Variants in PALM observed in about 807,000 individuals in gnomAD.
PALM encodes the protein paralemmin, also known as paralemmin-1.
PALM carries 18 observed loss-of-function variants against 30.7 expected under a neutral mutation model. The ratio of observed to expected loss-of-function variants is 0.59; its 90% CI spans 0.41 to 0.87. The LOEUF (loss-of-function observed/expected upper bound fraction) is 0.87. Ranked by LOEUF, PALM falls within the 40% of genes least tolerant of loss-of-function variation. The pLI is 0.00. For synonymous variants in PALM, 286 were observed against 242.8 expected (o/e 1.18, Z -1.66); for missense variants, 529 against 555.4 (o/e 0.95, Z 0.48).
rs982814944 is a variant in PALM at position 727,845 on chromosome 19, C to T, written c.269+151C>T. The stretch of plus-strand genomic sequence containing the variant: ...AGGACCCAACATGCTTTGAGGGGGA[C>T]GCAGGACGGGACAGATCAGGTTGGG... On this transcript the variant is annotated intron_variant, in intron 4 of 8. Coordinates refer to ENST00000338448, the MANE Select transcript of PALM (RefSeq NM_002579.3). The T allele has an allele frequency of 2.2e-5, 16 of 726,964 alleles. No individual in the cohort carries two copies. In the Admixed American group the frequency reaches 3.1e-4, roughly 14 times the overall value. 45.0% of individuals were successfully genotyped at this position (726,964 alleles called of 1,614,324 possible).
At chr19:741,894 C>T (rs981154686) in intron 8 of PALM, among the ~76,000 whole-genome samples, 5 of 152,240 alleles carry the variant, frequency 3.3e-5, no homozygotes, top group East Asian at 1.9e-4. Flanking sequence ...TCGCCCGGCC[C>T]GCAGTGCAGC....
chr19:709,911 T>G lies in PALM; in HGVS notation c.5+760T>G, dbSNP rs910366331. Among the ~76,000 whole-genome samples, 68 of 147,580 alleles carry G rather than the reference T, an allele frequency of 4.6e-4. 1 individual carries two copies. In the East Asian group the frequency reaches 5.0e-3, roughly 11 times the overall value. Reference sequence around the variant, plus strand: ...CCCCGCATGGCTGCGCCTGTGTGTGTGGGGGGGGGGTGGCCAGTGGAGGCA... The same window carrying G: ...CCCCGCATGGCTGCGCCTGTGTGTGGGGGGGGGGGGTGGCCAGTGGAGGCA... On this transcript the variant is annotated intron_variant, in intron 1 of 8. Coordinates refer to ENST00000338448, the MANE Select transcript of PALM (RefSeq NM_002579.3). This position sits in a 1 kb window ranked among gnomAD's most constrained non-coding sequence, Gnocchi z 4.3.
chr19:720,197 C>G (rs1055970966), intron 1 of PALM, among the ~76,000 whole-genome samples: 1 of 151,816 alleles, frequency 6.6e-6, no homozygotes, highest in Non-Finnish European at 1.5e-5. Flanking sequence ...GGAGATGCTG[C>G]GCCGGCCCCA....
chr19:720,796 C>T (rs1020097714), intron 1 of PALM, among the ~76,000 whole-genome samples: 15 of 152,146 alleles, frequency 9.9e-5, no homozygotes, highest in African/African-American at 3.6e-4. Flanking sequence ...TGGGAGGCGG[C>T]CACACAGCCA....
intron 1 of PALM, among the ~76,000 whole-genome samples, chr19:716,242 G>A (rs1426626580): frequency 2.0e-5 from 3 of 152,078 alleles, no homozygotes; most frequent in East Asian, 1.9e-4. Context: ...TGAAACCCCC[G>A]TCTCTACCAA....
intron 2 of PALM, among the ~76,000 whole-genome samples, chr19:726,460 A>G (rs923138847): frequency 6.6e-6 from 1 of 152,136 alleles, no homozygotes; most frequent in Non-Finnish European, 1.5e-5. Flanking sequence ...CTCGTCCTGC[A>G]GGAAAATAAA....
intron 3 of PALM, 72 bp downstream of exon 3, chr19:727,160 C>T: frequency 9.9e-7 from 1 of 1,009,144 alleles, no homozygotes; most frequent in South Asian, 1.4e-5. Context: ...GACTCCTGCC[C>T]AACCCTGACC....
chr19:740,880 C>G (rs1390593464), intron 8 of PALM, among the ~76,000 whole-genome samples: 1 of 151,596 alleles, frequency 6.6e-6, no homozygotes, highest in Non-Finnish European at 1.5e-5. Flanking sequence ...CCTTTAGTCC[C>G]AGCACTTTGG....
At position 747,116 on chromosome 19, in the gene PALM, C is replaced by T. The variant is rs1010731431; in HGVS notation, c.*302C>T. On this transcript the variant is annotated 3_prime_UTR_variant, in exon 9 of 9. Coordinates refer to ENST00000338448, the MANE Select transcript of PALM (RefSeq NM_002579.3). ...TCACGGCAGCTTCACAGACGCGGCT[C>T]GCGCCCACCGGGGTCCTGGCGGGTG... is the stretch of plus-strand genomic sequence containing the variant. 3.4e-5 allele frequency: 11 copies of T among 327,036 alleles called. No homozygotes were observed. In the Admixed American group the frequency reaches 4.3e-4, roughly 13 times the overall value. 20.3% of individuals were successfully genotyped at this position (327,036 alleles called of 1,614,324 possible).
At chr19:716,939 T>C (rs1160449584) in intron 1 of PALM, among the ~76,000 whole-genome samples, 1 of 151,794 alleles carries the variant, frequency 6.6e-6, no homozygotes. Flanking sequence ...GGGTGTACTT[T>C]TTTTTTTTTT....
chr19:746,492 G>C lies in PALM; in HGVS notation c.842G>C (p.Gly281Ala). The C allele has an allele frequency of 6.2e-7, 1 of 1,611,632 alleles. No individual in the cohort carries two copies. Among genetic ancestry groups the C allele is most frequent in the Non-Finnish European group, 8.5e-7 (1 of 1,179,284 alleles). The change falls in exon 9 of 9, where the codon GGC (glycine) becomes GCC (alanine). Residue 281 changes from glycine to alanine, a missense_variant. Gly to Ala is a moderately conservative substitution (Grantham distance 60). Transcript: ENST00000338448. This position sits in a 1 kb window ranked among gnomAD's most constrained non-coding sequence, Gnocchi z 7.1. ...REITGVQAQPGEATSGPPGIQ... is the reference protein window; with the variant it reads ...REITGVQAQPAEATSGPPGIQ... ...ATCACCGGTGTGCAGGCACAGCCAG[G>C]CGAGGCCACGTCCGGCCCGCCGGGG...
chr19:736,529 C>T (rs574565032), intron 7 of PALM, among the ~76,000 whole-genome samples: 10 of 152,300 alleles, frequency 6.6e-5, no homozygotes, highest in East Asian at 1.9e-4. Flanking sequence ...TCCCCAGCAC[C>T]GCTGCGCTTC....
intron 8 of PALM, among the ~76,000 whole-genome samples, chr19:743,493 C>T (rs547596650): frequency 6.6e-6 from 1 of 152,366 alleles, no homozygotes; most frequent in Non-Finnish European, 1.5e-5. Context: ...ACCCCACCCT[C>T]TGGGCCTCCA....
chr19:741,441 G>A (rs1293529043), intron 8 of PALM, among the ~76,000 whole-genome samples: 4 of 149,676 alleles, frequency 2.7e-5, no homozygotes, highest in Admixed American at 1.3e-4. Context: ...CTGCAGGGGT[G>A]AGGGGAGACG....
At position 747,078 on chromosome 19, in the gene PALM, A is replaced by G; in HGVS notation, c.*264A>G. On this transcript the variant is annotated 3_prime_UTR_variant, in exon 9 of 9. Coordinates refer to ENST00000338448, the MANE Select transcript of PALM (RefSeq NM_002579.3). ...GGACAGACCCGCTTTTCCCGAGACA[A>G]GGACCCCCCATGTCACGGCAGCTTC... The G allele has an allele frequency of 2.3e-6, 1 of 436,526 alleles. No homozygotes were observed. The highest frequency in any genetic ancestry group is 4.1e-6 in the Non-Finnish European group (1 of 243,606). The allele number at this position is 436,526 out of a possible 1,614,324, so 27.0% of individuals were successfully genotyped here. A position where few individuals can be genotyped will look rare whatever the true frequency, so the allele number is the denominator to read the frequency against.
In PALM at chr19:746,161, A is replaced by G. The variant is rs1325072453; in HGVS notation, c.635-124A>G. The G allele has an allele frequency of 1.7e-5, 12 of 696,126 alleles. No homozygotes were observed. The highest frequency in any genetic ancestry group is 2.2e-5 in the Non-Finnish European group (9 of 408,646). 43.1% of individuals were successfully genotyped at this position (696,126 alleles called of 1,614,324 possible). On this transcript the variant is annotated intron_variant, in intron 8 of 8. Coordinates refer to ENST00000338448, the MANE Select transcript of PALM (RefSeq NM_002579.3). This position sits in a 1 kb window ranked among gnomAD's most constrained non-coding sequence, Gnocchi z 7.1. The stretch of plus-strand genomic sequence containing the variant: ...TTCTGACGGTGTAATCTAGTTCGTG[A>G]TTTCCTCTTTAGCCTGGAGGAGGAT...
rs1555686475 is a variant in PALM at position 709,912 on chromosome 19, G to GTC, written c.5+761_5+762insTC. Among the ~76,000 whole-genome samples, 10 of 125,158 alleles carry GTC rather than the reference G, an allele frequency of 8.0e-5. No homozygotes were observed. Among genetic ancestry groups the GTC allele is most frequent in the Admixed American group, 2.4e-4 (3 of 12,268 alleles). The allele number at this position is 125,158 out of a possible 152,430, so 82.1% of individuals were successfully genotyped here. A position where few individuals can be genotyped will look rare whatever the true frequency, so the allele number is the denominator to read the frequency against. ...CCCGCATGGCTGCGCCTGTGTGTGT[G>GTC]GGGGGGGGGTGGCCAGTGGAGGCAC... On this transcript the variant is annotated intron_variant, in intron 1 of 8. Coordinates refer to ENST00000338448, the MANE Select transcript of PALM (RefSeq NM_002579.3). The surrounding 1 kb of genome is among the most constrained non-coding windows in gnomAD (Gnocchi z 4.3).
intron 8 of PALM, among the ~76,000 whole-genome samples, chr19:745,037 T>G (rs1244374796): frequency 2.1e-5 from 3 of 140,530 alleles, no homozygotes; most frequent in South Asian, 2.3e-4. Context: ...AAAATCAGCC[T>G]GGTGTGGTGG....
intron 1 of PALM, among the ~76,000 whole-genome samples, chr19:713,233 T>C (rs2032143119): frequency 6.6e-6 from 1 of 152,060 alleles, no homozygotes; most frequent in Non-Finnish European, 1.5e-5. Context: ...GGTGTGTTTA[T>C]TGAGAAACAC....
Sources: gnomAD v4.1 joint callset for allele counts (sites outside exome capture counted in the v4.1 genomes callset) on GRCh38, gnomAD v4.1.1 for gene constraint, Gnocchi (gnomAD v3.1) non-coding constraint, MANE v1.5 for transcripts, NCBI Gene and HGNC (gene_info 2026-07-23, HGNC 2026-07-21) for gene names.